Variants in LAMA4 observed in about 807,000 individuals in gnomAD.
LAMA4 encodes the protein laminin subunit alpha 4.
Under a neutral mutation model 207.1 loss-of-function variants are expected in LAMA4, and 127 were observed. That is an observed-to-expected ratio of 0.61 (90% confidence interval 0.53 to 0.71). LAMA4 has a LOEUF of 0.71. Ranked by LOEUF, LAMA4 falls within the 30% of genes least tolerant of loss-of-function variation. LAMA4 has a pLI of 0.00. For missense variants in LAMA4, 2,093 were observed against 2,246.5 expected, an observed-to-expected ratio of 0.93 and a Z score of 1.38; for synonymous variants, 761 against 816.0, an observed-to-expected ratio of 0.93 and a Z score of 1.15.
rs182560316 is a variant in LAMA4, at chr6:112,157,960, A to G, written c.1817+772T>C. The G allele has an allele frequency of 3.9e-5, 6 of 152,310 alleles. No homozygotes were observed. In the East Asian group the frequency reaches 5.8e-4, roughly 15 times the overall value. The allele number at this position is 152,310 out of a possible 1,614,324, so 9.4% of individuals were successfully genotyped here. ...TTGAAAATTTTGGCAATCAAGAATAAGAAGGTGATTTATATTTTGAACAGA... is the reference window on the plus strand; with the variant it reads ...TTGAAAATTTTGGCAATCAAGAATAGGAAGGTGATTTATATTTTGAACAGA... On this transcript the variant is annotated intron_variant, in intron 14 of 38. Coordinates refer to ENST00000230538, the MANE Select transcript of LAMA4 (RefSeq NM_001105206.3).
intron 12 of LAMA4, among the ~76,000 whole-genome samples, chr6:112,165,970 TGAAA>T (rs1361579561): frequency 6.6e-6 from 1 of 152,168 alleles, no homozygotes; most frequent in African/African-American, 2.4e-5. Flanking sequence ...GTTTAGAGTT[TGAAA>T]GAAACATAGA....
At chr6:112,233,657 G>A (rs1461413309) in intron 2 of LAMA4, among the ~76,000 whole-genome samples, 1 of 152,114 alleles carries the variant, frequency 6.6e-6, no homozygotes, top group African/African-American at 2.4e-5. Context: ...GGTTTGTGGA[G>A]GATTTTCTGA....
At chr6:112,145,799 G>A (rs1779990135) in intron 18 of LAMA4, among the ~76,000 whole-genome samples, 1 of 152,080 alleles carries the variant, frequency 6.6e-6, no homozygotes, top group African/African-American at 2.4e-5. Flanking sequence ...TCTAGAGCAG[G>A]CTTTTTCTAA....
intron 18 of LAMA4, among the ~76,000 whole-genome samples, chr6:112,145,853 A>C (rs1356704145): frequency 2.0e-5 from 3 of 152,212 alleles, no homozygotes; most frequent in African/African-American, 7.2e-5. Flanking sequence ...CTTTAACCAT[A>C]TAGCACAGGT....
intron 2 of LAMA4, 29 bp from the exon 3 acceptor site, chr6:112,216,498 T>C (rs1554358787): frequency 6.9e-7 from 1 of 1,457,928 alleles, no homozygotes; most frequent in Non-Finnish European, 9.6e-7. Flanking sequence ...ACCATTTTGA[T>C]TATTGAAAAG....
chr6:112,143,104 C>T (rs1779801235), intron 19 of LAMA4, among the ~76,000 whole-genome samples: 1 of 152,014 alleles, frequency 6.6e-6, no homozygotes, highest in South Asian at 2.1e-4. Flanking sequence ...AGAGTATTTA[C>T]AAGTGTATGG....
intron 2 of LAMA4, chr6:112,218,223 T>C (rs781855006): frequency 8.5e-5 from 13 of 152,208 alleles, no homozygotes; most frequent in Non-Finnish European, 1.5e-4. Flanking sequence ...GCCTCTTAAA[T>C]GGTGGTTTCT....
Position 112,114,995 on chromosome 6 carries a change from G to T in LAMA4, c.5113-239C>A, listed in dbSNP as rs4947169. 0.44 allele frequency among the ~76,000 whole-genome samples: 66,412 copies of T among 151,854 alleles called. 14,909 individuals carry two copies. The highest frequency in any genetic ancestry group is 0.67 in the South Asian group (3,210 of 4,818). ...GAAAATTGCGAGAGAGGGACAATAAGAAATAGAATAAATCCCTTTAATTTC... is the reference window on the plus strand; with the variant it reads ...GAAAATTGCGAGAGAGGGACAATAATAAATAGAATAAATCCCTTTAATTTC... On this transcript the variant is annotated intron_variant, in intron 36 of 38. Transcript: ENST00000230538.
At chr6:112,200,213 AAG>A (rs782188367) in intron 5 of LAMA4, 1 of 521,040 alleles carries the variant, frequency 1.9e-6, no homozygotes, top group Admixed American at 2.1e-5. Flanking sequence ...AGTTTAGAAA[AAG>A]AGAGAAAAGA....
intron 9 of LAMA4, among the ~76,000 whole-genome samples, chr6:112,182,687 C>T (rs1490810557): frequency 6.6e-6 from 1 of 152,128 alleles, no homozygotes; most frequent in East Asian, 1.9e-4. Flanking sequence ...GGAGACTGTG[C>T]TTTGTAACTC....
chr6:112,162,715 C>G (rs558475259), intron 13 of LAMA4, among the ~76,000 whole-genome samples: 2 of 152,082 alleles, frequency 1.3e-5, no homozygotes, highest in Non-Finnish European at 2.9e-5. Flanking sequence ...TTATTACAGT[C>G]GTACTGAGTT....
Position 112,201,611 on chromosome 6 carries a change from TCA to T in LAMA4, c.498_499del (p.Cys166Ter). The T allele has an allele frequency of 2.5e-6, 4 of 1,612,908 alleles. No individual in the cohort carries two copies. The highest frequency in any genetic ancestry group is 3.4e-6 in the Non-Finnish European group (4 of 1,178,922). ...ATAGAGAATTTTATTGGCTTACCTT[TCA>T]CAGTTAGGTCCAGCATAATTTTCGT... On this transcript the variant is annotated stop_gained and frameshift_variant, in exon 5 of 39. Coordinates refer to ENST00000230538, the MANE Select transcript of LAMA4 (RefSeq NM_001105206.3). LOFTEE classifies it high-confidence loss of function.
At position 112,185,350 on chromosome 6, in the gene LAMA4, G is replaced by A. The variant is rs1554346379; in HGVS notation, c.967-3C>T. 6.5e-7 allele frequency: 1 copy of A among 1,547,246 alleles called. No individual in the cohort carries two copies. The highest frequency in any genetic ancestry group is 1.7e-5 in the Admixed American group (1 of 59,952). On this transcript the variant is annotated splice_polypyrimidine_tract_variant and splice_region_variant and intron_variant, in intron 8 of 38. Transcript: ENST00000230538. ...TTTTCTCTTTCTGACAATTTTGTCT[G>A]CAGAAGAATGTGTTTTGAGAATAGT... is the stretch of plus-strand genomic sequence containing the variant.
chr6:112,229,000 A>G (rs1785391850), intron 2 of LAMA4, among the ~76,000 whole-genome samples: 1 of 152,190 alleles, frequency 6.6e-6, no homozygotes, highest in Non-Finnish European at 1.5e-5. Context: ...TACCTGATTC[A>G]CTTTCTTTCT....
intron 2 of LAMA4, among the ~76,000 whole-genome samples, chr6:112,228,165 A>G (rs1554363181): frequency 6.6e-6 from 1 of 152,228 alleles, no homozygotes; most frequent in East Asian, 1.9e-4. Context: ...TGACAAGAGT[A>G]ACCCACAAGC....
At chr6:112,158,067 G>A (rs1261895885) in intron 14 of LAMA4, 4 of 152,278 alleles carry the variant, frequency 2.6e-5, no homozygotes, top group Non-Finnish European at 5.9e-5. Context: ...CTCATTATTT[G>A]CCTATTATTT....
intron 2 of LAMA4, 27 bp from the exon 3 acceptor site, chr6:112,216,496 G>C (rs782730350): frequency 1.4e-6 from 2 of 1,466,236 alleles, no homozygotes; most frequent in Non-Finnish European, 1.9e-6. Context: ...AAACCATTTT[G>C]ATTATTGAAA....
chr6:112,215,098 T>C lies in LAMA4; in HGVS notation c.297+1270A>G, dbSNP rs138194245. Among the ~76,000 whole-genome samples the C allele has an allele frequency of 6.4e-4, 97 of 152,290 alleles. 1 individual carries two copies. The highest frequency in any genetic ancestry group is 2.2e-3 in the African/African-American group (93 of 41,558). ...AGTTCAAGTGTATCCATGGGATTTT[T>C]CCCCCCAAATGTCACTGGGATTAAA... On this transcript the variant is annotated intron_variant, in intron 3 of 38. Coordinates refer to ENST00000230538, the MANE Select transcript of LAMA4 (RefSeq NM_001105206.3).
In LAMA4 at chr6:112,122,139, A is replaced by G; in HGVS notation, c.4350T>C (p.Asn1450=). ...GGTGGCAATGAGAGTTTCTTGGAGT[A>G]TTCCGCTCTGGGAGTTTCAGAGCAA... ...DPVALKLPER[N]TPRNSHCHLS... is the part of the protein sequence containing the mutation. The change falls in exon 32 of 39, where the codon AAT becomes AAC. Residue 1450 remains asparagine (N), a synonymous_variant. Coordinates refer to ENST00000230538, the MANE Select transcript of LAMA4 (RefSeq NM_001105206.3). 1 of 1,613,956 alleles carries G rather than the reference A, an allele frequency of 6.2e-7. No homozygotes were observed. The highest frequency in any genetic ancestry group is 1.3e-5 in the African/African-American group (1 of 75,054).
Sources: allele counts gnomAD v4.1 joint callset (sites outside exome capture counted in the v4.1 genomes callset), GRCh38; gene constraint gnomAD v4.1.1; transcripts MANE v1.5; gene names NCBI Gene and HGNC (gene_info 2026-07-23, HGNC 2026-07-21).